RELB: variants seen among roughly 807,000 people sequenced by gnomAD.
RELB encodes RELB proto-oncogene, NF-kB subunit, also known as transcription factor RelB.
In RELB, 14 loss-of-function variants were observed where a neutral mutation model predicts 55.4. The observed-to-expected ratio is 0.25, with a 90% CI of 0.17 to 0.40. The LOEUF (loss-of-function observed/expected upper bound fraction) is 0.40. Among genes scored for constraint, RELB ranks in the 10% least tolerant of loss-of-function variants. The probability of loss-of-function intolerance (pLI) is 1.00; values close to 1 mark genes in which losing one functional copy is unlikely to be tolerated. For synonymous variants in RELB, 409 were observed against 371.3 expected (o/e 1.10, Z -1.17); for missense variants, 669 against 830.7 (o/e 0.81, Z 2.39).
intron 8 of RELB, 55 bp from the exon 9 acceptor site, chr19:45,032,479 G>A (rs1357317320): frequency 5.5e-6 from 8 of 1,443,140 alleles, no homozygotes; most frequent in Non-Finnish European, 7.7e-6. Context: ...GGGCAAGTTG[G>A]GAGCACAGTG....
At chr19:45,009,374 C>A (rs1285553419) in intron 2 of RELB, among the ~76,000 whole-genome samples, 5 of 152,190 alleles carry the variant, frequency 3.3e-5, no homozygotes, top group African/African-American at 9.6e-5. Context: ...AGCCACCAGG[C>A]CTGGCCACCT....
At chr19:45,023,637 G>A (rs529522162) in intron 5 of RELB, among the ~76,000 whole-genome samples, 2 of 147,964 alleles carry the variant, frequency 1.4e-5, no homozygotes, top group Admixed American at 6.9e-5. Flanking sequence ...ACGGGGTTTC[G>A]CCGTGTTAGC....
At chr19:45,034,594 T>C in intron 11 of RELB, 66 bp downstream of exon 11, 1 of 1,411,614 alleles carries the variant, frequency 7.1e-7, no homozygotes, top group Non-Finnish European at 9.7e-7. Context: ...CAGCCCTGCT[T>C]TTCTGGCCTC....
At chr19:45,006,772 C>A (rs1971287062) in intron 2 of RELB, among the ~76,000 whole-genome samples, 1 of 150,928 alleles carries the variant, frequency 6.6e-6, no homozygotes, top group Non-Finnish European at 1.5e-5. Context: ...ACCAGCCTGA[C>A]CAACGTGGCA....
intron 2 of RELB, among the ~76,000 whole-genome samples, chr19:45,004,998 T>C (rs191684006): frequency 4.0e-5 from 6 of 150,524 alleles, no homozygotes; most frequent in Non-Finnish European, 8.8e-5. Context: ...TGAAACCCCA[T>C]CTCTACTAAA....
rs373450774 is a variant in RELB, at chr19:45,037,758, G to A, written c.1708G>A (p.Gly570Ser). The change falls in exon 12 of 12, where the codon GGC becomes AGC. Residue 570 changes from glycine (G) to serine (S), a missense_variant. By Grantham distance (56) the Gly-to-Ser change is moderately conservative. Around this residue, in one of 3 missense-constraint regions of RELB, gnomAD observed 341 missense variants for 436.8 expected, o/e 0.78. Transcript: ENST00000221452. ...NHYREAAFGG[G>S]LLSPGPEAT is the part of the protein sequence containing the mutation. ...TTACCGCGAGGCGGCCTTTGGGGGC[G>A]GCCTCCTATCCCCGGGGCCTGAAGC... is the stretch of plus-strand genomic sequence containing the variant. 150 of 1,487,812 alleles carry A rather than the reference G, an allele frequency of 1.0e-4. No homozygotes were observed. Among genetic ancestry groups the A allele is most frequent in the Non-Finnish European group, 1.2e-4 (138 of 1,121,864 alleles). 92.2% of individuals were successfully genotyped at this position (1,487,812 alleles called of 1,614,324 possible). A position where few individuals can be genotyped will look rare whatever the true frequency, so the allele number is the denominator to read the frequency against.
chr19:45,021,835 A>G, intron 4 of RELB: 1 of 455,652 alleles, frequency 2.2e-6, no homozygotes, highest in Non-Finnish European at 3.9e-6. Flanking sequence ...TCGGCCTTCC[A>G]ACGTGCTGGG....
At chr19:45,006,955 GAAAAAA>G (rs961433718) in intron 2 of RELB, among the ~76,000 whole-genome samples, 1 of 91,836 alleles carries the variant, frequency 1.1e-5, no homozygotes, top group Non-Finnish European at 2.2e-5. Flanking sequence ...AACTCCATCT[GAAAAAA>G]AAAAAAAAAA....
In RELB at chr19:45,022,248, C is replaced by G. The variant is rs547240478; in HGVS notation, c.662+38C>G. 1.9e-6 allele frequency: 3 copies of G among 1,539,370 alleles called. No homozygotes were observed. The African/African-American group carries it at 4.1e-5, about 21-fold the overall frequency. The stretch of plus-strand genomic sequence containing the variant: ...TGACCTCCGACCTCTCATCCTTGAT[C>G]ATGGAGATTCTAAGCGACTGGAGGC... On this transcript the variant is annotated intron_variant, in intron 5 of 11. Transcript: ENST00000221452.
intron 4 of RELB, among the ~76,000 whole-genome samples, chr19:45,014,525 T>C (rs1318310277): frequency 1.2e-5 from 1 of 84,622 alleles, no homozygotes; most frequent in Non-Finnish European, 2.5e-5. Flanking sequence ...TTTTGTTTTT[T>C]GGTTTTTTTT....
chr19:45,010,553 A>G (rs990604213), intron 3 of RELB, among the ~76,000 whole-genome samples: 3 of 152,068 alleles, frequency 2.0e-5, no homozygotes, highest in Non-Finnish European at 4.4e-5. Context: ...GAGAAGACAC[A>G]TTAGGTTAGG....
At chr19:45,002,119 GC>G (rs1376246975) in intron 1 of RELB, among the ~76,000 whole-genome samples, 1 of 136,416 alleles carries the variant, frequency 7.3e-6, no homozygotes, top group Non-Finnish European at 1.6e-5. Context: ...GCGGGGCCTG[GC>G]CGTGAGGGCA....
At chr19:45,028,262 T>G (rs142687702) in intron 7 of RELB, among the ~76,000 whole-genome samples, 1 of 152,112 alleles carries the variant, frequency 6.6e-6, no homozygotes, top group East Asian at 1.9e-4. Flanking sequence ...CCTCACGTGA[T>G]CTTCCTGGCT....
At chr19:45,017,182 C>T (rs577949664) in intron 4 of RELB, among the ~76,000 whole-genome samples, 1 of 152,068 alleles carries the variant, frequency 6.6e-6, no homozygotes, top group African/African-American at 2.4e-5. Context: ...GAGCAGGCTT[C>T]AGAAGGTATT....
At chr19:45,015,504 G>A (rs569909242) in intron 4 of RELB, among the ~76,000 whole-genome samples, 2 of 152,000 alleles carry the variant, frequency 1.3e-5, no homozygotes, top group East Asian at 3.9e-4. Flanking sequence ...GGAGACTAAG[G>A]CAGGAGGATC....
intron 1 of RELB, among the ~76,000 whole-genome samples, chr19:45,001,899 A>C (rs1459159647): frequency 6.6e-6 from 1 of 151,956 alleles, no homozygotes; most frequent in African/African-American, 2.4e-5. Flanking sequence ...GTCCCGCTGT[A>C]GAGTGAGAGG....
intron 4 of RELB, among the ~76,000 whole-genome samples, chr19:45,021,644 G>A (rs921910080): frequency 5.9e-5 from 7 of 118,868 alleles, no homozygotes; most frequent in Middle Eastern, 7.5e-3. Context: ...TCAAGAACTC[G>A]GCTCACTGCA....
chr19:45,028,782 G>T (rs756246065), intron 7 of RELB, 106 bp from the exon 8 acceptor site: 1 of 804,296 alleles, frequency 1.2e-6, no homozygotes. Flanking sequence ...AATTCCCTAC[G>T]TCTCCAGGGC....
At chr19:45,006,760 AGACCAGCCT>A (rs1401096537) in intron 2 of RELB, among the ~76,000 whole-genome samples, 1 of 151,532 alleles carries the variant, frequency 6.6e-6, no homozygotes, top group Non-Finnish European at 1.5e-5. Flanking sequence ...CAGGAGTTCA[AGACCAGCCT>A]GACCAACGTG....
Sources: allele counts gnomAD v4.1 joint callset (sites outside exome capture counted in the v4.1 genomes callset), GRCh38; gene constraint gnomAD v4.1.1; regional missense constraint gnomAD v4.1.1; transcripts MANE v1.5; gene names NCBI Gene and HGNC (gene_info 2026-07-23, HGNC 2026-07-21).